The following SCHIP1 variants were observed in gnomAD, a reference collection of about 807,000 sequenced individuals.
SCHIP1 encodes the protein schwannomin interacting protein 1.
A neutral mutation model predicts 29.7 loss-of-function variants in SCHIP1; 8 were observed. That is an observed-to-expected ratio of 0.27 (90% CI 0.16 to 0.49). SCHIP1 has a LOEUF of 0.49. SCHIP1 is among the 20% of genes least tolerant of loss of function. The pLI is 0.99. For missense variants in SCHIP1, 193 were observed against 294.6 expected, an observed-to-expected ratio of 0.66 and a Z score of 2.52; for synonymous variants, 76 against 94.9, an observed-to-expected ratio of 0.80 and a Z score of 1.16.
chr3:159,471,850 A>G, the SCHIP1 span, among the ~76,000 whole-genome samples: 1 of 152,128 alleles, frequency 6.6e-6, no homozygotes, highest in Non-Finnish European at 1.5e-5. Context: ...ATTAAGATGC[A>G]TGTTATTTTT....
At chr3:159,314,622 T>C in the SCHIP1 span, among the ~76,000 whole-genome samples, 1 of 152,210 alleles carries the variant, frequency 6.6e-6, no homozygotes, top group Admixed American at 6.5e-5. Context: ...TACCATTTTG[T>C]TTCCAATATG....
At chr3:159,566,252 A>G in the SCHIP1 span, among the ~76,000 whole-genome samples, 1 of 152,224 alleles carries the variant, frequency 6.6e-6, no homozygotes, top group African/African-American at 2.4e-5. Flanking sequence ...CACAAATAAG[A>G]ATGTTATTTG....
the SCHIP1 span, among the ~76,000 whole-genome samples, chr3:159,831,073 A>G: frequency 7.6e-4 from 115 of 152,314 alleles, 1 homozygote; most frequent in African/African-American, 2.6e-3. Context: ...GACAGAGCCA[A>G]TTCCCTCTGG....
chr3:159,531,941 G>T, the SCHIP1 span, among the ~76,000 whole-genome samples: 1 of 152,176 alleles, frequency 6.6e-6, no homozygotes, highest in East Asian at 1.9e-4. Context: ...GGAAAAATTT[G>T]TGCAGTAAAC....
At chr3:159,686,219 GAAA>G in the SCHIP1 span, among the ~76,000 whole-genome samples, 3 of 152,186 alleles carry the variant, frequency 2.0e-5, no homozygotes, top group African/African-American at 7.2e-5. Flanking sequence ...AAAGAAAAAG[GAAA>G]TCCAGCCCTG....
At chr3:159,611,109 T>C in the SCHIP1 span, among the ~76,000 whole-genome samples, 3 of 152,124 alleles carry the variant, frequency 2.0e-5, no homozygotes, top group African/African-American at 7.2e-5. Context: ...ATAAAGCCAA[T>C]ACAGGCAGGG....
the SCHIP1 span, among the ~76,000 whole-genome samples, chr3:159,502,571 C>T: frequency 6.6e-6 from 1 of 152,078 alleles, no homozygotes; most frequent in East Asian, 1.9e-4. Context: ...TATACATGTG[C>T]CATGTTGGTG....
the SCHIP1 span, among the ~76,000 whole-genome samples, chr3:159,384,562 A>C: frequency 2.7e-5 from 4 of 150,544 alleles, no homozygotes; most frequent in African/African-American, 7.4e-5. Flanking sequence ...ATATTGGTCT[A>C]AAATTCTCTT....
At chr3:159,389,973 C>T in the SCHIP1 span, among the ~76,000 whole-genome samples, 2 of 151,988 alleles carry the variant, frequency 1.3e-5, no homozygotes, top group African/African-American at 4.8e-5. Flanking sequence ...AAAAGATAAT[C>T]TCAAACATAA....
chr3:159,820,286 T>C, the SCHIP1 span, among the ~76,000 whole-genome samples: 1 of 152,074 alleles, frequency 6.6e-6, no homozygotes, highest in Non-Finnish European at 1.5e-5. Flanking sequence ...AATAAAGGTG[T>C]TTTTACAGCC....
At chr3:159,697,852 C>A in the SCHIP1 span, among the ~76,000 whole-genome samples, 1 of 152,114 alleles carries the variant, frequency 6.6e-6, no homozygotes, top group South Asian at 2.1e-4. Context: ...CAAAAATTAC[C>A]AAAGCAGATT....
At chr3:159,337,849 C>T in the SCHIP1 span, among the ~76,000 whole-genome samples, 2 of 152,274 alleles carry the variant, frequency 1.3e-5, no homozygotes, top group African/African-American at 4.8e-5. Context: ...TTATCTTCTT[C>T]GTCTGAAGAC....
At chr3:159,508,173 C>A in the SCHIP1 span, among the ~76,000 whole-genome samples, 10 of 152,234 alleles carry the variant, frequency 6.6e-5, no homozygotes, top group African/African-American at 2.2e-4. Context: ...AGAGATTCAA[C>A]TTCTTCTTGG....
At chr3:159,459,336 T>C in the SCHIP1 span, among the ~76,000 whole-genome samples, 5 of 152,116 alleles carry the variant, frequency 3.3e-5, no homozygotes, top group Admixed American at 6.6e-5. Flanking sequence ...AATCAAAAAA[T>C]TTAATAAAAT....
At chr3:159,791,226 A>AGG in the SCHIP1 span, among the ~76,000 whole-genome samples, 1 of 152,224 alleles carries the variant, frequency 6.6e-6, no homozygotes, top group African/African-American at 2.4e-5. Context: ...ATATCAGCCC[A>AGG]GGGGCCCATC....
chr3:159,711,446 T>A, the SCHIP1 span, among the ~76,000 whole-genome samples: 1 of 142,856 alleles, frequency 7.0e-6, no homozygotes, highest in African/African-American at 2.5e-5. Flanking sequence ...TAGGTATTAG[T>A]AAGGATTCAA....
chr3:159,716,724 C>T, the SCHIP1 span, among the ~76,000 whole-genome samples: 2 of 152,154 alleles, frequency 1.3e-5, no homozygotes, highest in African/African-American at 2.4e-5. Flanking sequence ...TACAGGAGCA[C>T]CCAGATTCGT....
the SCHIP1 span, among the ~76,000 whole-genome samples, chr3:159,804,679 G>A: frequency 6.6e-6 from 1 of 152,228 alleles, no homozygotes; most frequent in Non-Finnish European, 1.5e-5. Context: ...GATGCCTTCA[G>A]TCAGATGAAA....
At chr3:159,291,618 A>G in the SCHIP1 span, among the ~76,000 whole-genome samples, 1 of 152,136 alleles carries the variant, frequency 6.6e-6, no homozygotes, top group African/African-American at 2.4e-5. Context: ...CTTGAACCCA[A>G]TTATTCATCA....
Sources: allele counts gnomAD v4.1 joint callset (sites outside exome capture counted in the v4.1 genomes callset), GRCh38; gene constraint gnomAD v4.1.1; transcripts MANE v1.5; gene names NCBI Gene and HGNC (gene_info 2026-07-23, HGNC 2026-07-21).